The following SLC66A2 variants were observed in gnomAD, a reference collection of about 807,000 sequenced individuals.
The protein encoded by SLC66A2 is PQ loop repeat containing 1.
Under a neutral mutation model 25.5 loss-of-function variants are expected in SLC66A2, and 23 were observed. That is an observed-to-expected ratio of 0.90 (90% CI 0.65 to 1.28). The LOEUF (loss-of-function observed/expected upper bound fraction) is 1.28. SLC66A2 is among the 50% of genes most tolerant of loss of function. The pLI is 0.00. For synonymous variants in SLC66A2, 193 were observed against 166.5 expected (o/e 1.16, Z -1.23); for missense variants, 396 against 373.1 (o/e 1.06, Z -0.51).
Position 79,951,014 on chromosome 18 carries a change from C to A in SLC66A2, c.-88G>T, listed in dbSNP as rs1337140917. ...CTCATCGCCGCTCCGCGCGCTCCTGCGGCCTCGGGGCCTGCGGGGAGCGGG... is the reference window on the plus strand; with the variant it reads ...CTCATCGCCGCTCCGCGCGCTCCTGAGGCCTCGGGGCCTGCGGGGAGCGGG... On this transcript the variant is annotated 5_prime_UTR_variant, in exon 2 of 6. Coordinates refer to ENST00000397778, the MANE Select transcript of SLC66A2 (RefSeq NM_025078.5). 6 of 1,067,146 alleles carry A rather than the reference C, an allele frequency of 5.6e-6. No homozygotes were observed. Among genetic ancestry groups the A allele is most frequent in the African/African-American group, 5.1e-5 (3 of 58,974 alleles). The allele number at this position is 1,067,146 out of a possible 1,614,324, so 66.1% of individuals were successfully genotyped here.
chr18:79,921,787 G>C (rs1161444110), intron 4 of SLC66A2, among the ~76,000 whole-genome samples: 1 of 87,018 alleles, frequency 1.1e-5, no homozygotes, highest in African/African-American at 3.8e-5. Context: ...AGAGGTCAAG[G>C]TCAGTGGAGG....
chr18:79,932,420 T>C (rs1170587182), intron 4 of SLC66A2, among the ~76,000 whole-genome samples: 3 of 150,938 alleles, frequency 2.0e-5, no homozygotes, highest in African/African-American at 7.3e-5. Context: ...ATAAAGAAAA[T>C]GAACAAAACC....
rs576048415 is a variant in SLC66A2 at position 79,918,630 on chromosome 18, G to A, written c.608+554C>T. Among the ~76,000 whole-genome samples, 94 of 152,384 alleles carry A rather than the reference G, an allele frequency of 6.2e-4. 1 individual carries two copies. Among genetic ancestry groups the A allele is most frequent in the African/African-American group, 2.1e-3 (89 of 41,586 alleles). On this transcript the variant is annotated intron_variant, in intron 5 of 5. Transcript: ENST00000397778. This position sits in a 1 kb window ranked among gnomAD's most constrained non-coding sequence, Gnocchi z 4.0. ...AGCCCGTGGGCATCATGCTGCTCGC[G>A]TTGTGCCCTACCTCTGGCGGTCACG...
At position 79,927,758 on chromosome 18, in the gene SLC66A2, C is replaced by G. The variant is rs984624819; in HGVS notation, c.391+6211G>C. On this transcript the variant is annotated intron_variant, in intron 4 of 5. Transcript: ENST00000397778. The surrounding 1 kb of genome is among the most constrained non-coding windows in gnomAD (Gnocchi z 6.2). The stretch of plus-strand genomic sequence containing the variant: ...GCCGTGCCGGCTTCCAAAGAGGACC[C>G]CGGGAAACAAACACCCTCCCACTCG... Among the ~76,000 whole-genome samples, 6 of 152,192 alleles carry G rather than the reference C, an allele frequency of 3.9e-5. No homozygotes were observed. The highest frequency in any genetic ancestry group is 2.9e-5 in the Non-Finnish European group (2 of 68,028).
intron 2 of SLC66A2, among the ~76,000 whole-genome samples, chr18:79,947,903 C>T (rs1414324529): frequency 5.3e-5 from 8 of 152,084 alleles, no homozygotes; most frequent in Non-Finnish European, 1.2e-4. Flanking sequence ...ACCTGGGGAC[C>T]GGGTGGGCAC....
At chr18:79,908,406 C>T (rs1170389518) in intron 5 of SLC66A2, among the ~76,000 whole-genome samples, 1 of 152,154 alleles carries the variant, frequency 6.6e-6, no homozygotes, top group Non-Finnish European at 1.5e-5. Flanking sequence ...TTCTGACCTC[C>T]CTCGTTTCTG....
intron 3 of SLC66A2, among the ~76,000 whole-genome samples, chr18:79,934,545 GCACAGA>G (rs1986891113): frequency 6.6e-6 from 1 of 152,188 alleles, no homozygotes; most frequent in East Asian, 1.9e-4. Context: ...AAGCACCTCT[GCACAGA>G]CACAGACACA....
At chr18:79,942,609 G>T (rs779603728) in intron 3 of SLC66A2, among the ~76,000 whole-genome samples, 1 of 152,216 alleles carries the variant, frequency 6.6e-6, no homozygotes, top group South Asian at 2.1e-4. Context: ...AGTGAGTGCT[G>T]TCTTAGATTT....
chr18:79,940,730 G>T lies in SLC66A2; in HGVS notation c.337+2599C>A, dbSNP rs1389422421. On this transcript the variant is annotated intron_variant, in intron 3 of 5. Transcript: ENST00000397778. The surrounding 1 kb of genome is among the most constrained non-coding windows in gnomAD (Gnocchi z 4.1). ...CACCTTTCATCAAGACGCCCTGCAGGAACAGGCCTGGCCCATCCACCAAGG... is the reference window on the plus strand; with the variant it reads ...CACCTTTCATCAAGACGCCCTGCAGTAACAGGCCTGGCCCATCCACCAAGG... Among the ~76,000 whole-genome samples the T allele has an allele frequency of 1.3e-5, 2 of 152,136 alleles. No individual in the cohort carries two copies. Among genetic ancestry groups the T allele is most frequent in the Non-Finnish European group, 2.9e-5 (2 of 68,024 alleles).
rs967337388 is a variant in SLC66A2 at position 79,940,609 on chromosome 18, G to T, written c.337+2720C>A. Among the ~76,000 whole-genome samples, 1 of 152,058 alleles carries T rather than the reference G, an allele frequency of 6.6e-6. No homozygotes were observed. Among genetic ancestry groups the T allele is most frequent in the African/African-American group, 2.4e-5 (1 of 41,392 alleles). ...ATGGGGCTGTGCTGCAGGAGCTACC[G>T]ATCGGGCGGCCAGAAGCCAGAGCTT... On this transcript the variant is annotated intron_variant, in intron 3 of 5. Transcript: ENST00000397778. The surrounding 1 kb of genome is among the most constrained non-coding windows in gnomAD (Gnocchi z 4.1).
At chr18:79,926,778 G>T (rs1044698299) in intron 4 of SLC66A2, among the ~76,000 whole-genome samples, 11 of 151,990 alleles carry the variant, frequency 7.2e-5, no homozygotes, top group African/African-American at 2.4e-4. Flanking sequence ...TACTTAAGGG[G>T]TACAGACGGT....
intron 4 of SLC66A2, among the ~76,000 whole-genome samples, chr18:79,932,674 A>C (rs1986690922): frequency 6.6e-6 from 1 of 152,178 alleles, no homozygotes; most frequent in Non-Finnish European, 1.5e-5. Context: ...TTATAAGGGA[A>C]TACTAAGAAA....
chr18:79,948,851 C>A (rs2051020271), intron 2 of SLC66A2, among the ~76,000 whole-genome samples: 1 of 152,164 alleles, frequency 6.6e-6, no homozygotes, highest in East Asian at 1.9e-4. Flanking sequence ...TGCCGACCAG[C>A]GTCTCCCCAA....
chr18:79,926,932 G>A (rs1200195843), intron 4 of SLC66A2, among the ~76,000 whole-genome samples: 5 of 152,142 alleles, frequency 3.3e-5, no homozygotes, highest in Non-Finnish European at 4.4e-5. Context: ...CTGGAGTGAC[G>A]GCCATTCCCA....
At chr18:79,921,688 T>A (rs112639301) in intron 4 of SLC66A2, among the ~76,000 whole-genome samples, 2 of 27,274 alleles carry the variant, frequency 7.3e-5, no homozygotes, top group Admixed American at 4.8e-4. Context: ...TGGGGAGAGA[T>A]GGAACCGAGT....
Position 79,904,175 on chromosome 18 carries a change from A to G in SLC66A2, c.617T>C (p.Met206Thr). The G allele has an allele frequency of 3.7e-6, 6 of 1,612,830 alleles. No homozygotes were observed. The highest frequency in any genetic ancestry group is 5.1e-6 in the Non-Finnish European group (6 of 1,179,764). Residue 206 changes from methionine to threonine, a missense_variant, in exon 6 of 6, where the codon ATG becomes ACG. By Grantham distance (81) the Met-to-Thr change is moderately conservative. Transcript: ENST00000397778. This position sits in a 1 kb window ranked among gnomAD's most constrained non-coding sequence, Gnocchi z 6.3. ...GTCACCACTGGTCCACATGAGCACC[A>G]TCTTGATGCTGTGGAGACACAAGCA... Reference protein sequence around the residue: ...HQSTEGMSIKMVLMWTSGDAF... With the variant: ...HQSTEGMSIKTVLMWTSGDAF...
chr18:79,909,003 C>T (rs1041488063), intron 5 of SLC66A2, among the ~76,000 whole-genome samples: 23 of 152,160 alleles, frequency 1.5e-4, no homozygotes, highest in Non-Finnish European at 2.6e-4. Context: ...CTGTCATTTC[C>T]GTTGGCAGCT....
intron 5 of SLC66A2, among the ~76,000 whole-genome samples, chr18:79,910,173 A>G (rs1457001804): frequency 1.5e-5 from 1 of 66,250 alleles, no homozygotes; most frequent in African/African-American, 6.4e-5. Flanking sequence ...CATCCTCACC[A>G]TAGAGTCCCC....
chr18:79,932,389 A>G (rs1986655750), intron 4 of SLC66A2, among the ~76,000 whole-genome samples: 1 of 151,986 alleles, frequency 6.6e-6, no homozygotes, highest in Non-Finnish European at 1.5e-5. Context: ...GGAGTGAAAT[A>G]AAACACAGAA....
Sources: gnomAD v4.1 joint callset for allele counts (sites outside exome capture counted in the v4.1 genomes callset) on GRCh38, gnomAD v4.1.1 for gene constraint, Gnocchi (gnomAD v3.1) non-coding constraint, MANE v1.5 for transcripts, NCBI Gene and HGNC (gene_info 2026-07-23, HGNC 2026-07-21) for gene names.